The following SLC7A1 variants were observed in gnomAD, a reference collection of about 807,000 sequenced individuals.
SLC7A1 encodes high affinity cationic amino acid transporter 1.
Under a neutral mutation model 53.9 loss-of-function variants are expected in SLC7A1, and 10 were observed. That is an observed-to-expected ratio of 0.19 (90% CI 0.11 to 0.31). The LOEUF (loss-of-function observed/expected upper bound fraction) is 0.31, where lower values mean the gene tolerates loss of function less well. SLC7A1 is among the 10% of genes least tolerant of loss of function. The probability of loss-of-function intolerance (pLI) is 1.00; values close to 1 mark genes in which losing one functional copy is unlikely to be tolerated. For synonymous variants in SLC7A1, 342 were observed against 338.7 expected, an observed-to-expected ratio of 1.01 and a Z score of -0.11; for missense variants, 525 against 827.2, an observed-to-expected ratio of 0.63 and a Z score of 4.48.
At chr13:29,593,791 T>G (rs1872200162) in intron 1 of SLC7A1, among the ~76,000 whole-genome samples, 1 of 151,934 alleles carries the variant, frequency 6.6e-6, no homozygotes, top group Non-Finnish European at 1.5e-5. Context: ...AAGCAAGTAA[T>G]CATATGTACA....
rs1256799076 is a variant in SLC7A1, at chr13:29,523,291, C to T, written c.1024G>A (p.Gly342Ser). Residue 342 changes from glycine to serine, a missense_variant, in exon 7 of 13, where the codon GGC becomes AGC. Transcript: ENST00000380752. ...WEGAKYAVAV[G>S]SLCALSASLL... Reference sequence around the variant, plus strand: ...CTGGCGGAAAGAGCGCAGAGGGAGCCCACGGCCACTGCGTACTTGGCACCT... The same window carrying T: ...CTGGCGGAAAGAGCGCAGAGGGAGCTCACGGCCACTGCGTACTTGGCACCT... The T allele has an allele frequency of 6.2e-7, 1 of 1,613,510 alleles. No homozygotes were observed. Among genetic ancestry groups the T allele is most frequent in the African/African-American group, 1.3e-5 (1 of 75,012 alleles).
At chr13:29,590,431 C>T (rs1329062295) in intron 1 of SLC7A1, among the ~76,000 whole-genome samples, 1 of 152,142 alleles carries the variant, frequency 6.6e-6, no homozygotes, top group East Asian at 1.9e-4. Context: ...TACCCACACA[C>T]AGCAAACACT....
At chr13:29,577,663 A>G (rs1334457078) in intron 1 of SLC7A1, among the ~76,000 whole-genome samples, 1 of 152,200 alleles carries the variant, frequency 6.6e-6, no homozygotes, top group Admixed American at 6.5e-5. Flanking sequence ...TTGGCCACCA[A>G]GTTGTCCTGC....
At chr13:29,524,401 A>G in intron 5 of SLC7A1, 148 bp from the exon 6 acceptor site, 1 of 985,982 alleles carries the variant, frequency 1.0e-6, no homozygotes, top group Non-Finnish European at 1.5e-6. Flanking sequence ...CGCTGAGTCC[A>G]GCCACTGCAT....
chr13:29,536,968 C>T lies in SLC7A1; in HGVS notation c.-14-766G>A, dbSNP rs150290405. Among the ~76,000 whole-genome samples the T allele has an allele frequency of 8.2e-3, 1,256 of 152,350 alleles. 48 individuals are homozygous for T. The highest frequency in any genetic ancestry group is 0.075 in the Admixed American group (1,145 of 15,308). On this transcript the variant is annotated intron_variant, in intron 2 of 12. Transcript: ENST00000380752. The stretch of plus-strand genomic sequence containing the variant: ...CCATCCCACCCTCACATGGGACATG[C>T]CCCATTAGGGCCCAGGACACCTTGT...
chr13:29,523,561 G>T (rs1410501003), intron 6 of SLC7A1, 73 bp from the exon 7 acceptor site: 5 of 1,131,772 alleles, frequency 4.4e-6, no homozygotes, highest in African/African-American at 3.1e-5. Context: ...GACACCCAAG[G>T]CCTCTCAGTG....
At chr13:29,544,566 C>T (rs1157706822) in intron 2 of SLC7A1, among the ~76,000 whole-genome samples, 2 of 152,146 alleles carry the variant, frequency 1.3e-5, no homozygotes, top group Non-Finnish European at 2.9e-5. Flanking sequence ...GCTGGTTGCA[C>T]ATTAGAATCA....
chr13:29,538,516 T>C (rs1869525684), intron 2 of SLC7A1, among the ~76,000 whole-genome samples: 1 of 152,172 alleles, frequency 6.6e-6, no homozygotes, highest in Non-Finnish European at 1.5e-5. Flanking sequence ...TGCCTGCGGC[T>C]TCCTAGGCAG....
chr13:29,592,628 T>C (rs923034749), intron 1 of SLC7A1, among the ~76,000 whole-genome samples: 1 of 152,130 alleles, frequency 6.6e-6, no homozygotes, highest in South Asian at 2.1e-4. Flanking sequence ...GCTTTGTAGA[T>C]GGGTATGGGA....
intron 2 of SLC7A1, among the ~76,000 whole-genome samples, chr13:29,541,025 C>A (rs1869640072): frequency 6.6e-6 from 1 of 152,102 alleles, no homozygotes; most frequent in South Asian, 2.1e-4. Context: ...ACAGAAGGGG[C>A]AGGGCTCACA....
Position 29,511,523 on chromosome 13 carries a change from G to C in SLC7A1, c.*2957C>G, listed in dbSNP as rs912275941. On this transcript the variant is annotated 3_prime_UTR_variant, in exon 13 of 13. Transcript: ENST00000380752. ...GCAGGGATGATAAGTAGAGTGGGGG[G>C]TGTGTAGAGGCCTGGTCTCCTCCGG... is the stretch of plus-strand genomic sequence containing the variant. 6.6e-6 allele frequency: 1 copy of C among 152,268 alleles called. No individual in the cohort carries two copies. Among genetic ancestry groups the C allele is most frequent in the Admixed American group, 6.5e-5 (1 of 15,288 alleles). 9.4% of individuals were successfully genotyped at this position (152,268 alleles called of 1,614,324 possible).
intron 1 of SLC7A1, among the ~76,000 whole-genome samples, chr13:29,567,000 C>T (rs943071267): frequency 6.6e-6 from 1 of 152,198 alleles, no homozygotes; most frequent in South Asian, 2.1e-4. Flanking sequence ...GTAAGAGGCT[C>T]TCCACTCTAC....
At chr13:29,583,796 G>C (rs1380152723) in intron 1 of SLC7A1, among the ~76,000 whole-genome samples, 1 of 152,160 alleles carries the variant, frequency 6.6e-6, no homozygotes, top group Non-Finnish European at 1.5e-5. Context: ...CAGCAAGACA[G>C]ACATTCTTCC....
At chr13:29,526,566 A>G (rs1445730539) in intron 5 of SLC7A1, among the ~76,000 whole-genome samples, 1 of 152,220 alleles carries the variant, frequency 6.6e-6, no homozygotes, top group African/African-American at 2.4e-5. Context: ...TTAGGCAACC[A>G]TGAGGCAGAG....
At chr13:29,576,809 C>T (rs959432058) in intron 1 of SLC7A1, among the ~76,000 whole-genome samples, 1 of 152,146 alleles carries the variant, frequency 6.6e-6, no homozygotes, top group South Asian at 2.1e-4. Context: ...CCTCGATTCT[C>T]AGACACCCTG....
At chr13:29,529,405 C>G (rs993346008) in intron 5 of SLC7A1, among the ~76,000 whole-genome samples, 1 of 152,226 alleles carries the variant, frequency 6.6e-6, no homozygotes, top group African/African-American at 2.4e-5. Flanking sequence ...TTCTCAGCCT[C>G]CCTTGCAGCT....
At chr13:29,568,253 G>A (rs920293397) in intron 1 of SLC7A1, among the ~76,000 whole-genome samples, 1 of 152,162 alleles carries the variant, frequency 6.6e-6, no homozygotes, top group Non-Finnish European at 1.5e-5. Flanking sequence ...GTTCTGCTCT[G>A]TGTGGTATGG....
chr13:29,589,410 C>A (rs1277113799), intron 1 of SLC7A1, among the ~76,000 whole-genome samples: 1 of 152,240 alleles, frequency 6.6e-6, no homozygotes, highest in African/African-American at 2.4e-5. Flanking sequence ...TTGCATCCAG[C>A]CAAAGGCTGG....
At chr13:29,523,201 G>T in intron 7 of SLC7A1, 65 bp downstream of exon 7, 1 of 1,355,218 alleles carries the variant, frequency 7.4e-7, no homozygotes. Flanking sequence ...TACCTGGCCT[G>T]CTATAGCCTA....
Sources: gnomAD v4.1 joint callset for allele counts (sites outside exome capture counted in the v4.1 genomes callset) on GRCh38, gnomAD v4.1.1 for gene constraint, MANE v1.5 for transcripts, NCBI Gene and HGNC (gene_info 2026-07-23, HGNC 2026-07-21) for gene names.